The following ATRNL1 variants were observed in gnomAD, a reference collection of about 807,000 sequenced individuals.
ATRNL1 encodes the protein attractin like 1, also known as attractin-like protein 1.
ATRNL1 carries 95 observed loss-of-function variants against 182.7 expected under a neutral mutation model. The observed-to-expected ratio is 0.52, with a 90% confidence interval of 0.44 to 0.62. ATRNL1 has a LOEUF of 0.62. Ranked by LOEUF, ATRNL1 falls within the 20% of genes least tolerant of loss-of-function variation. The pLI, the probability that ATRNL1 is intolerant of heterozygous loss-of-function variation, is 0.00. For synonymous variants in ATRNL1, 576 were observed against 568.3 expected (o/e 1.01, Z -0.19); for missense variants, 1,471 against 1,679.5 (o/e 0.88, Z 2.17).
chr10:115,803,065 C>A (rs1949834843), intron 27 of ATRNL1, among the ~76,000 whole-genome samples: 1 of 152,140 alleles, frequency 6.6e-6, no homozygotes, highest in African/African-American at 2.4e-5. Flanking sequence ...CTGCTACTAT[C>A]AGGACATAAT....
At chr10:115,149,999 T>C (rs1846146930) in intron 5 of ATRNL1, among the ~76,000 whole-genome samples, 1 of 152,002 alleles carries the variant, frequency 6.6e-6, no homozygotes, top group South Asian at 2.1e-4. Flanking sequence ...AGACTTTTTA[T>C]TACTACTTTG....
chr10:115,935,460 GT>G (rs1349159042), intron 28 of ATRNL1, among the ~76,000 whole-genome samples: 1 of 151,990 alleles, frequency 6.6e-6, no homozygotes, highest in Non-Finnish European at 1.5e-5. Context: ...ACTAAGTTTT[GT>G]TTTTCTTTTT....
At chr10:115,246,409 C>G (rs1220353258) in intron 10 of ATRNL1, among the ~76,000 whole-genome samples, 1 of 152,056 alleles carries the variant, frequency 6.6e-6, no homozygotes, top group Non-Finnish European at 1.5e-5. Context: ...TAGTTTTTAT[C>G]AATAGATTTA....
At chr10:115,467,315 T>C (rs1181075981) in intron 23 of ATRNL1, 63 bp downstream of exon 23, 2 of 1,121,748 alleles carry the variant, frequency 1.8e-6, no homozygotes, top group Non-Finnish European at 2.6e-6. Flanking sequence ...TGTTCTAACA[T>C]GATCTACTGT....
intron 10 of ATRNL1, among the ~76,000 whole-genome samples, chr10:115,258,342 C>T (rs1291742147): frequency 6.6e-6 from 1 of 151,846 alleles, no homozygotes; most frequent in Non-Finnish European, 1.5e-5. Flanking sequence ...ACTTTTTCTT[C>T]TCGCTTTATT....
chr10:115,233,576 T>C (rs1554900565), intron 9 of ATRNL1, among the ~76,000 whole-genome samples: 3 of 152,162 alleles, frequency 2.0e-5, no homozygotes, highest in Non-Finnish European at 4.4e-5. Flanking sequence ...AGAAGTGTGA[T>C]AACAGGCATC....
chr10:115,653,010 A>T (rs1555034783), intron 26 of ATRNL1, among the ~76,000 whole-genome samples: 1 of 152,116 alleles, frequency 6.6e-6, no homozygotes, highest in Non-Finnish European at 1.5e-5. Context: ...AATAGTTTTT[A>T]TTTGTCATTG....
chr10:115,653,112 A>C (rs571218163), intron 26 of ATRNL1, among the ~76,000 whole-genome samples: 133 of 152,344 alleles, frequency 8.7e-4, no homozygotes, highest in Non-Finnish European at 1.3e-3. Flanking sequence ...GCTGGTAAGT[A>C]AAACCCTTCA....
At chr10:115,617,644 C>T (rs1857509742) in intron 26 of ATRNL1, among the ~76,000 whole-genome samples, 1 of 152,194 alleles carries the variant, frequency 6.6e-6, no homozygotes, top group Non-Finnish European at 1.5e-5. Flanking sequence ...AGGCATGAGC[C>T]ACCACACCCA....
At chr10:115,591,537 A>T (rs782066614) in intron 26 of ATRNL1, among the ~76,000 whole-genome samples, 1 of 152,216 alleles carries the variant, frequency 6.6e-6, no homozygotes, top group South Asian at 2.1e-4. Context: ...TCTTTATCAT[A>T]CAAGACTTAT....
At chr10:115,455,293 G>A (rs898050485) in intron 21 of ATRNL1, among the ~76,000 whole-genome samples, 4 of 152,072 alleles carry the variant, frequency 2.6e-5, no homozygotes, top group Admixed American at 6.6e-5. Flanking sequence ...TGGCTTGGTA[G>A]ACCAATGGAA....
intron 2 of ATRNL1, 28 bp downstream of exon 2, chr10:115,120,296 T>C: frequency 8.6e-7 from 1 of 1,157,342 alleles, no homozygotes; most frequent in East Asian, 2.4e-5. Context: ...GTCAAATTAA[T>C]GTATTTTATT....
intron 1 of ATRNL1, chr10:115,096,637 T>C (rs1273711232): frequency 7.8e-7 from 1 of 1,287,656 alleles, no homozygotes; most frequent in African/African-American, 1.5e-5. Flanking sequence ...GCTTTTTTTC[T>C]ACTATAGGGA....
chr10:115,483,423 C>A (rs1383905122), intron 24 of ATRNL1, among the ~76,000 whole-genome samples: 1 of 151,402 alleles, frequency 6.6e-6, no homozygotes, highest in Non-Finnish European at 1.5e-5. Flanking sequence ...TATAGATTTT[C>A]ATTGCTTATA....
At chr10:115,757,083 G>A (rs1325541465) in intron 27 of ATRNL1, among the ~76,000 whole-genome samples, 1 of 152,088 alleles carries the variant, frequency 6.6e-6, no homozygotes, top group African/African-American at 2.4e-5. Context: ...CCTGAATATA[G>A]CACACTAATG....
chr10:115,802,122 C>T (rs782264981), intron 27 of ATRNL1, among the ~76,000 whole-genome samples: 31 of 151,748 alleles, frequency 2.0e-4, no homozygotes, highest in African/African-American at 4.4e-4. Context: ...TTAAATATCC[C>T]GACTTTGCCT....
At chr10:115,101,509 A>G (rs1843767155) in intron 1 of ATRNL1, among the ~76,000 whole-genome samples, 1 of 152,160 alleles carries the variant, frequency 6.6e-6, no homozygotes, top group Admixed American at 6.5e-5. Context: ...TTATGTACAT[A>G]ATTTTTGAAT....
At chr10:115,145,216 G>A (rs190613953) in intron 5 of ATRNL1, among the ~76,000 whole-genome samples, 1 of 152,242 alleles carries the variant, frequency 6.6e-6, no homozygotes, top group East Asian at 1.9e-4. Context: ...GGTTATATAA[G>A]GAGATGGGTT....
At chr10:115,307,922 A>T (rs1460212999) in intron 17 of ATRNL1, among the ~76,000 whole-genome samples, 5 of 113,630 alleles carry the variant, frequency 4.4e-5, no homozygotes, top group Non-Finnish European at 7.5e-5. Context: ...AATTATATAT[A>T]TTTACATTAT....
Sources: gnomAD v4.1 joint callset for allele counts (sites outside exome capture counted in the v4.1 genomes callset) on GRCh38, gnomAD v4.1.1 for gene constraint, MANE v1.5 for transcripts, NCBI Gene and HGNC (gene_info 2026-07-23, HGNC 2026-07-21) for gene names.